The following MYT1L variants were observed in gnomAD, a reference collection of about 807,000 sequenced individuals.
MYT1L encodes myelin transcription factor 1 like, also known as myelin transcription factor 1-like protein.
In MYT1L, 12 loss-of-function variants were observed where a neutral mutation model predicts 126.7. The ratio of observed to expected loss-of-function variants is 0.09; its 90% CI spans 0.06 to 0.15. The LOEUF (loss-of-function observed/expected upper bound fraction) is 0.15, where lower values mean the gene tolerates loss of function less well. Ranked by LOEUF, MYT1L falls within the 10% of genes least tolerant of loss-of-function variation. The pLI is 1.00. For missense variants in MYT1L, 979 were observed against 1,585.2 expected (o/e 0.62, Z 6.49); for synonymous variants, 541 against 604.2 (o/e 0.90, Z 1.53).
rs1235442908 is a variant in MYT1L, at chr2:2,137,971, A to G, written c.-304+34901T>C. 4.8e-3 allele frequency among the ~76,000 whole-genome samples: 737 copies of G among 152,252 alleles called. 6 individuals carry two copies. The highest frequency in any genetic ancestry group is 0.017 in the African/African-American group (713 of 41,554). ...AAAGGGCTAATATCCAGAATCTACA[A>G]TGAACTCAAACAAATTTACAAGAAA... On this transcript the variant is annotated intron_variant, in intron 3 of 24. Transcript: ENST00000647738.
intron 13 of MYT1L, among the ~76,000 whole-genome samples, chr2:1,904,166 C>T (rs1175532609): frequency 6.6e-6 from 1 of 152,114 alleles, no homozygotes; most frequent in East Asian, 1.9e-4. Flanking sequence ...TTTCCTAAAC[C>T]AGAGGCTGTA....
intron 2 of MYT1L, among the ~76,000 whole-genome samples, chr2:2,230,354 C>T (rs1297851929): frequency 3.3e-5 from 5 of 152,238 alleles, no homozygotes; most frequent in Non-Finnish European, 5.9e-5. Flanking sequence ...TGGGATGCAA[C>T]TTCAAGCTCG....
At chr2:1,937,907 C>T (rs779461639) in intron 9 of MYT1L, among the ~76,000 whole-genome samples, 3 of 151,972 alleles carry the variant, frequency 2.0e-5, no homozygotes, top group Non-Finnish European at 4.4e-5. Flanking sequence ...GAACGCGATA[C>T]AGGAAGCCAG....
chr2:1,861,970 A>T (rs2044722733), intron 18 of MYT1L, among the ~76,000 whole-genome samples: 1 of 152,268 alleles, frequency 6.6e-6, no homozygotes, highest in East Asian at 1.9e-4. Context: ...GTAATCCTGG[A>T]TCTGCCTGCA....
intron 14 of MYT1L, among the ~76,000 whole-genome samples, chr2:1,894,907 G>C (rs145637747): frequency 4.1e-4 from 62 of 152,338 alleles, no homozygotes; most frequent in Non-Finnish European, 5.4e-4. Flanking sequence ...CCACCACCCT[G>C]TAAGATGCTA....
intron 4 of MYT1L, among the ~76,000 whole-genome samples, chr2:2,027,297 G>T (rs1054124567): frequency 3.3e-5 from 5 of 152,170 alleles, no homozygotes; most frequent in African/African-American, 1.2e-4. Flanking sequence ...GCCCAGCCCA[G>T]CAACAGCTGC....
rs201483154 is a variant in MYT1L, at chr2:1,889,483, G to A, written c.2284-6C>T. 76 of 1,587,006 alleles carry A rather than the reference G, an allele frequency of 4.8e-5. No individual in the cohort carries two copies. In the African/African-American group the frequency reaches 8.1e-4, roughly 17 times the overall value. On this transcript the variant is annotated splice_region_variant and splice_polypyrimidine_tract_variant and intron_variant, in intron 15 of 24. Transcript: ENST00000647738. This position sits in a 1 kb window ranked among gnomAD's most constrained non-coding sequence, Gnocchi z 4.1. The stretch of plus-strand genomic sequence containing the variant: ...TCCACCTCCATGTCAGGGTTCTGTC[G>A]GTAGAAAGACATAGTGACTGTGCTT...
intron 8 of MYT1L, among the ~76,000 whole-genome samples, chr2:1,957,563 CATCT>C (rs2058597455): frequency 6.6e-6 from 1 of 151,984 alleles, no homozygotes; most frequent in South Asian, 2.1e-4. Context: ...TCCCTCTCCC[CATCT>C]ATCAATCACC....
rs2031592778 is a variant in MYT1L, at chr2:1,789,168, G to A, written c.*2699C>T. On this transcript the variant is annotated 3_prime_UTR_variant, in exon 25 of 25. Coordinates refer to ENST00000647738, the MANE Select transcript of MYT1L (RefSeq NM_001303052.2). ...ACACCTTGTTTATTTAGAGTAAGAT[G>A]TGTTAACATCCAGCATGACAAAATT... The A allele has an allele frequency of 1.3e-5, 2 of 152,202 alleles. No individual in the cohort carries two copies. Among genetic ancestry groups the A allele is most frequent in the African/African-American group, 4.8e-5 (2 of 41,444 alleles). 9.4% of individuals were successfully genotyped at this position (152,202 alleles called of 1,614,324 possible). A position where few individuals can be genotyped will look rare whatever the true frequency, so the allele number is the denominator to read the frequency against.
intron 2 of MYT1L, among the ~76,000 whole-genome samples, chr2:2,191,409 C>T (rs940827237): frequency 5.9e-5 from 9 of 152,188 alleles, no homozygotes; most frequent in African/African-American, 1.9e-4. Flanking sequence ...TTATGAAGAA[C>T]ATGTGAGAGC....
chr2:1,800,588 G>C (rs2034657606), intron 23 of MYT1L, among the ~76,000 whole-genome samples: 1 of 152,160 alleles, frequency 6.6e-6, no homozygotes, highest in Non-Finnish European at 1.5e-5. Flanking sequence ...CCATCCTTGG[G>C]AAAACTGTGT....
chr2:1,952,701 TCTTCCTTCCCTTCCCTC>T (rs1272928634), intron 8 of MYT1L, among the ~76,000 whole-genome samples: 8 of 68,108 alleles, frequency 1.2e-4, no homozygotes, highest in South Asian at 4.4e-4. Context: ...TTCCTTCCTT[TCTTCCTTCCCTTCCCTC>T]CTTCCTTCCC....
chr2:1,835,664 C>G (rs1425796806), intron 21 of MYT1L, among the ~76,000 whole-genome samples: 2 of 152,156 alleles, frequency 1.3e-5, no homozygotes, highest in African/African-American at 4.8e-5. Context: ...CCGGGTTTTC[C>G]TTTGCTGCAC....
chr2:1,878,941 G>C (rs2047230626), intron 18 of MYT1L, among the ~76,000 whole-genome samples: 1 of 152,078 alleles, frequency 6.6e-6, no homozygotes, highest in South Asian at 2.1e-4. Context: ...AAATGGAATT[G>C]ACTAGTGTCA....
chr2:2,095,620 A>G (rs2077367893), intron 3 of MYT1L, among the ~76,000 whole-genome samples: 1 of 151,940 alleles, frequency 6.6e-6, no homozygotes, highest in Non-Finnish European at 1.5e-5. Context: ...AGTGAGGAGG[A>G]GAGGAGAGCA....
At chr2:2,146,638 T>C (rs2084920225) in intron 3 of MYT1L, among the ~76,000 whole-genome samples, 1 of 152,208 alleles carries the variant, frequency 6.6e-6, no homozygotes, top group Non-Finnish European at 1.5e-5. Context: ...TCAGGAGCTA[T>C]TGTTGAGATC....
rs557858474 is a variant in MYT1L at position 1,889,415 on chromosome 2, C to A, written c.2346G>T (p.Pro782=). 3.1e-6 allele frequency: 5 copies of A among 1,613,614 alleles called. No homozygotes were observed. Among genetic ancestry groups the A allele is most frequent in the African/African-American group, 1.3e-5 (1 of 74,902 alleles). ...TLDLSMNKQR[P]RDSCCPILTP... ...TCAGGATGGGGCAGCAGCTGTCCCG[C>A]GGCCTCTGCTTGTTCATGCTGAGGT... is the stretch of plus-strand genomic sequence containing the variant. Residue 782 remains proline, a synonymous_variant, in exon 16 of 25, where the codon CCG becomes CCT. Transcript: ENST00000647738. This position sits in a 1 kb window ranked among gnomAD's most constrained non-coding sequence, Gnocchi z 4.1.
intron 1 of MYT1L, among the ~76,000 whole-genome samples, chr2:2,285,037 TAA>T (rs1056672535): frequency 1.3e-4 from 20 of 152,286 alleles, no homozygotes; most frequent in African/African-American, 4.3e-4. Flanking sequence ...TCTTTTAAAA[TAA>T]AAGTCTGTGC....
chr2:1,993,281 C>T (rs1309823678), intron 5 of MYT1L, among the ~76,000 whole-genome samples: 1 of 152,164 alleles, frequency 6.6e-6, no homozygotes, highest in East Asian at 1.9e-4. Context: ...TACAAACAGG[C>T]ACACAGGGGT....
Sources: gnomAD v4.1 joint callset for allele counts (sites outside exome capture counted in the v4.1 genomes callset) on GRCh38, gnomAD v4.1.1 for gene constraint, Gnocchi (gnomAD v3.1) non-coding constraint, MANE v1.5 for transcripts, NCBI Gene and HGNC (gene_info 2026-07-23, HGNC 2026-07-21) for gene names.